SUPT3H: variants seen among roughly 807,000 people sequenced by gnomAD.
SUPT3H encodes transcription initiation protein SPT3 homolog.
SUPT3H carries 44 observed loss-of-function variants against 44.3 expected under a neutral mutation model. The observed-to-expected ratio is 0.99, with a 90% CI of 0.78 to 1.28. SUPT3H has a LOEUF of 1.28. SUPT3H is among the 50% of genes most tolerant of loss of function. The pLI is 0.00. For missense variants in SUPT3H, 380 were observed against 387.1 expected (o/e 0.98, Z 0.15); for synonymous variants, 124 against 125.6 (o/e 0.99, Z 0.09).
chr6:45,143,375 A>G (rs1322836988), intron 2 of SUPT3H, among the ~76,000 whole-genome samples: 1 of 152,182 alleles, frequency 6.6e-6, no homozygotes, highest in Non-Finnish European at 1.5e-5. Flanking sequence ...ACAGTGGAAT[A>G]AAACTAGAAA....
At chr6:45,250,726 C>T (rs1202643814) in intron 2 of SUPT3H, among the ~76,000 whole-genome samples, 1 of 151,416 alleles carries the variant, frequency 6.6e-6, no homozygotes, top group East Asian at 1.9e-4. Flanking sequence ...CACAGTATCA[C>T]AAAATTTCAG....
At chr6:45,324,001 T>C (rs974627484) in intron 2 of SUPT3H, among the ~76,000 whole-genome samples, 4 of 152,096 alleles carry the variant, frequency 2.6e-5, no homozygotes, top group Non-Finnish European at 5.9e-5. Flanking sequence ...TTATATTAAG[T>C]GGTAGTGTAT....
intron 2 of SUPT3H, among the ~76,000 whole-genome samples, chr6:45,225,522 T>C (rs953129765): frequency 3.9e-5 from 6 of 152,180 alleles, no homozygotes; most frequent in African/African-American, 1.4e-4. Flanking sequence ...AAATTTCTTA[T>C]AAAAATTAAT....
chr6:45,247,690 A>ATTTTTT (rs10673729), intron 2 of SUPT3H, among the ~76,000 whole-genome samples: 1 of 144,772 alleles, frequency 6.9e-6, no homozygotes, highest in South Asian at 2.2e-4. Flanking sequence ...TTCTTTTTCC[A>ATTTTTT]TTTTTTTTTT....
chr6:45,343,269 G>A (rs1790193363), intron 2 of SUPT3H, among the ~76,000 whole-genome samples: 1 of 152,054 alleles, frequency 6.6e-6, no homozygotes, highest in South Asian at 2.1e-4. Flanking sequence ...CAGCACTTTG[G>A]GAGGCCGAGG....
At chr6:45,323,000 A>T (rs747195260) in intron 2 of SUPT3H, 64 of 1,326,590 alleles carry the variant, frequency 4.8e-5, no homozygotes, top group Non-Finnish European at 4.0e-5. Flanking sequence ...CAATTAAGCA[A>T]ATCATCCTTA....
At chr6:45,289,147 C>T (rs939406617) in intron 2 of SUPT3H, among the ~76,000 whole-genome samples, 1 of 152,082 alleles carries the variant, frequency 6.6e-6, no homozygotes, top group Admixed American at 6.6e-5. Context: ...TACTATTGCA[C>T]TCTTATTTGC....
intron 2 of SUPT3H, among the ~76,000 whole-genome samples, chr6:45,164,808 G>C (rs565004314): frequency 2.6e-5 from 4 of 151,926 alleles, no homozygotes; most frequent in Non-Finnish European, 1.5e-5. Context: ...AAAATTTTTC[G>C]GAAGTTCTGC....
At chr6:45,178,556 C>T (rs545837309) in intron 2 of SUPT3H, among the ~76,000 whole-genome samples, 1 of 152,004 alleles carries the variant, frequency 6.6e-6, no homozygotes, top group East Asian at 1.9e-4. Flanking sequence ...AGCTCTGCAC[C>T]AAGCGGACCT....
chr6:45,103,513 T>C (rs1798875012), intron 3 of SUPT3H, among the ~76,000 whole-genome samples: 1 of 152,058 alleles, frequency 6.6e-6, no homozygotes, highest in African/African-American at 2.4e-5. Flanking sequence ...GAAAATACTA[T>C]GGGCTACACT....
At chr6:44,986,237 G>T (rs1034106016) in intron 6 of SUPT3H, among the ~76,000 whole-genome samples, 1 of 152,148 alleles carries the variant, frequency 6.6e-6, no homozygotes, top group African/African-American at 2.4e-5. Context: ...GCACAGAGGA[G>T]ATTGCTTTCC....
intron 2 of SUPT3H, among the ~76,000 whole-genome samples, chr6:45,346,780 T>C (rs1172588213): frequency 6.6e-6 from 1 of 152,124 alleles, no homozygotes; most frequent in Admixed American, 6.5e-5. Context: ...TTGGTCAGGC[T>C]GGTCTCAAAC....
chr6:44,828,141 G>C lies in SUPT3H; in HGVS notation c.*1675C>G, dbSNP rs1388165363. 6.6e-6 allele frequency among the ~76,000 whole-genome samples: 1 copy of C among 151,776 alleles called. No individual in the cohort carries two copies. The highest frequency in any genetic ancestry group is 1.5e-5 in the Non-Finnish European group (1 of 67,914). ...CCTGAAAATTTTATACCATCTATAA[G>C]CCTGGCAGATCAAAACCAAATACAA... is the stretch of plus-strand genomic sequence containing the variant. On this transcript the variant is annotated 3_prime_UTR_variant, in exon 11 of 11. Transcript: ENST00000371459.
chr6:45,098,967 T>C, intron 3 of SUPT3H: 1 of 440,416 alleles, frequency 2.3e-6, no homozygotes, highest in Non-Finnish European at 4.5e-6. Flanking sequence ...GATCACAGAC[T>C]CTGGGATCCA....
chr6:45,281,419 A>G (rs1178236821), intron 2 of SUPT3H, among the ~76,000 whole-genome samples: 1 of 152,232 alleles, frequency 6.6e-6, no homozygotes, highest in Admixed American at 6.5e-5. Flanking sequence ...CAATGGTCTT[A>G]GCAAATGGCA....
intron 6 of SUPT3H, among the ~76,000 whole-genome samples, chr6:44,988,469 C>A (rs1582920778): frequency 7.9e-6 from 1 of 126,742 alleles, no homozygotes; most frequent in Non-Finnish European, 1.6e-5. Context: ...TAAATTAGGC[C>A]AAAGGGCAAT....
At chr6:44,850,792 C>CTATT (rs1487579905) in intron 10 of SUPT3H, among the ~76,000 whole-genome samples, 5 of 150,718 alleles carry the variant, frequency 3.3e-5, no homozygotes, top group Admixed American at 6.6e-5. Context: ...ATCTATCTAT[C>CTATT]TATAAATGTA....
intron 2 of SUPT3H, among the ~76,000 whole-genome samples, chr6:45,172,350 C>A (rs1397054765): frequency 6.6e-6 from 1 of 151,546 alleles, no homozygotes; most frequent in East Asian, 2.0e-4. Flanking sequence ...GGATTACAGG[C>A]ATGAGCCACT....
At chr6:45,142,509 G>C (rs1805378347) in intron 2 of SUPT3H, among the ~76,000 whole-genome samples, 1 of 151,862 alleles carries the variant, frequency 6.6e-6, no homozygotes, top group African/African-American at 2.4e-5. Flanking sequence ...GGCTGAGGTG[G>C]GCAGATCACC....
Sources: allele counts gnomAD v4.1 joint callset (sites outside exome capture counted in the v4.1 genomes callset), GRCh38; gene constraint gnomAD v4.1.1; transcripts MANE v1.5; gene names NCBI Gene and HGNC (gene_info 2026-07-23, HGNC 2026-07-21).